F11R: variants seen among roughly 807,000 people sequenced by gnomAD.
F11R encodes F11 receptor, also known as junctional adhesion molecule A.
A neutral mutation model predicts 39.3 loss-of-function variants in F11R; 27 were observed. The ratio of observed to expected loss-of-function variants is 0.69; its 90% CI spans 0.51 to 0.95. F11R has a LOEUF of 0.95. Ranked by LOEUF, F11R falls within the 40% of genes least tolerant of loss-of-function variation. The pLI, the probability that F11R is intolerant of heterozygous loss-of-function variation, is 0.00. For missense variants in F11R, 335 were observed against 372.7 expected, an observed-to-expected ratio of 0.90 and a Z score of 0.83; for synonymous variants, 131 against 144.9, an observed-to-expected ratio of 0.90 and a Z score of 0.69.
At chr1:161,019,498 G>C (rs770924921) in intron 1 of F11R, among the ~76,000 whole-genome samples, 5 of 151,826 alleles carry the variant, frequency 3.3e-5, no homozygotes, top group Non-Finnish European at 5.9e-5. Context: ...GGGAGGCTGA[G>C]GCAGGAGAAT....
At chr1:161,006,149 G>C (rs1047489575) in intron 1 of F11R, among the ~76,000 whole-genome samples, 31 of 150,522 alleles carry the variant, frequency 2.1e-4, no homozygotes, top group Admixed American at 3.3e-4. Context: ...AAAAAAAAAG[G>C]GGGGGGGCAC....
Position 161,001,150 on chromosome 1 carries a change from C to T in F11R, c.134-23G>A, listed in dbSNP as rs752479605. ...CAGCTGCAGACAGGGTCAAAATGAG[C>T]CGAAGGAAGAAGCAGCAGCAAATAC... On this transcript the variant is annotated intron_variant, in intron 2 of 9. Coordinates refer to ENST00000368026, the MANE Select transcript of F11R (RefSeq NM_016946.6). The T allele has an allele frequency of 7.5e-6, 12 of 1,610,392 alleles. No homozygotes were observed. The South Asian group carries it at 1.1e-4, about 15-fold the overall frequency.
chr1:160,998,544 T>C lies in F11R; in HGVS notation c.*327A>G. The C allele has an allele frequency of 2.0e-6, 1 of 509,900 alleles. No homozygotes were observed. Among genetic ancestry groups the C allele is most frequent in the Non-Finnish European group, 3.5e-6 (1 of 285,788 alleles). The allele number at this position is 509,900 out of a possible 1,614,324, so 31.6% of individuals were successfully genotyped here. On this transcript the variant is annotated 3_prime_UTR_variant, in exon 10 of 10. Coordinates refer to ENST00000368026, the MANE Select transcript of F11R (RefSeq NM_016946.6). Reference sequence around the variant, plus strand: ...AGCCAGGTGGGCAGTTGAGTGCAGATTCCTGCGACCCCCGCCATTTTTGCT... The same window carrying C: ...AGCCAGGTGGGCAGTTGAGTGCAGACTCCTGCGACCCCCGCCATTTTTGCT...
At chr1:161,012,762 T>C (rs1465321760) in intron 1 of F11R, among the ~76,000 whole-genome samples, 1 of 151,966 alleles carries the variant, frequency 6.6e-6, no homozygotes, top group Non-Finnish European at 1.5e-5. Flanking sequence ...GTAGCTAGAA[T>C]TATAGGCACC....
At chr1:161,011,769 G>T (rs1466977141) in intron 1 of F11R, among the ~76,000 whole-genome samples, 1 of 151,406 alleles carries the variant, frequency 6.6e-6, no homozygotes, top group African/African-American at 2.4e-5. Flanking sequence ...AAATATAGAC[G>T]TATCTCACAC....
At chr1:161,015,251 C>A (rs1445666433) in intron 1 of F11R, among the ~76,000 whole-genome samples, 1 of 139,864 alleles carries the variant, frequency 7.1e-6, no homozygotes, top group Non-Finnish European at 1.6e-5. Context: ...TACAAAAAAT[C>A]AGCCGGAGTG....
At chr1:161,005,528 T>C (rs148391006) in intron 1 of F11R, among the ~76,000 whole-genome samples, 4,147 of 152,080 alleles carry the variant, frequency 0.027, 180 homozygotes, top group African/African-American at 0.093. Context: ...CGAGCCACCA[T>C]GCCTGGCTAA....
intron 1 of F11R, among the ~76,000 whole-genome samples, chr1:161,003,796 T>TTC (rs1648636545): frequency 6.6e-6 from 1 of 151,590 alleles, no homozygotes; most frequent in East Asian, 1.9e-4. Flanking sequence ...TGGAGTTTTG[T>TTC]TCTAGTTGCC....
chr1:161,020,863 A>G (rs1334690207), intron 1 of F11R, 147 bp downstream of exon 1: 1 of 748,780 alleles, frequency 1.3e-6, no homozygotes, highest in East Asian at 2.7e-5. Context: ...TGAAAGAGGG[A>G]CCAGCCAGGG....
chr1:161,017,750 T>TC (rs1168416706), intron 1 of F11R, among the ~76,000 whole-genome samples: 1 of 151,994 alleles, frequency 6.6e-6, no homozygotes, highest in Non-Finnish European at 1.5e-5. Flanking sequence ...TTTCCAAGTC[T>TC]CGTTCCACCT....
At position 161,016,228 on chromosome 1, in the gene F11R, G is replaced by A. The variant is rs797006783; in HGVS notation, c.64+4782C>T. ...GCGGTGGCTCACGCCTGTAATCCCA[G>A]CACTTTTGGAGGCCGTGGCGGGCAG... is the stretch of plus-strand genomic sequence containing the variant. On this transcript the variant is annotated intron_variant, in intron 1 of 9. Transcript: ENST00000368026. Among the ~76,000 whole-genome samples, 47 of 152,250 alleles carry A rather than the reference G, an allele frequency of 3.1e-4. 1 individual carries two copies. Among genetic ancestry groups the A allele is most frequent in the African/African-American group, 1.1e-3 (46 of 41,558 alleles).
rs1648396621 is a variant in F11R, at chr1:161,000,222, A to G, written c.515T>C (p.Val172Ala). The change falls in exon 5 of 10, where the codon GTG becomes GCG. Residue 172 changes from valine to alanine, a missense_variant. By Grantham distance (64) the Val-to-Ala change is moderately conservative (BLOSUM62 0). Coordinates refer to ENST00000368026, the MANE Select transcript of F11R (RefSeq NM_016946.6). ...SEYTWFKDGI[V>A]MPTNPKSTRA... ...GGTGCTTTTGGGATTCGTAGGCATC[A>G]CTATCCCATCTTTGAACCAGGTGTA... 6.2e-7 allele frequency: 1 copy of G among 1,614,018 alleles called. No homozygotes were observed. Among genetic ancestry groups the G allele is most frequent in the Admixed American group, 1.7e-5 (1 of 59,998 alleles).
rs1338949392 is a variant in F11R, at chr1:160,998,126, C to A, written c.*745G>T. ...TGAACTCCTGACCTCAGGTGATCCG[C>A]CTGCCTCAGCCTCTGGGATTATAGG... On this transcript the variant is annotated 3_prime_UTR_variant, in exon 10 of 10. Transcript: ENST00000368026. 6.6e-6 allele frequency: 1 copy of A among 152,534 alleles called. No individual in the cohort carries two copies. The highest frequency in any genetic ancestry group is 1.5e-5 in the Non-Finnish European group (1 of 68,160). 9.4% of individuals were successfully genotyped at this position (152,534 alleles called of 1,614,324 possible). A position where few individuals can be genotyped will look rare whatever the true frequency, so the allele number is the denominator to read the frequency against.
rs1402475182 is a variant in F11R, at chr1:160,996,241, A to G, written c.*2630T>C. On this transcript the variant is annotated 3_prime_UTR_variant, in exon 10 of 10. Transcript: ENST00000368026. ...TTATAAAAATTAGTTTTGACATTTT[A>G]AAGTGAATGCAGACAAGGTGTTTTC... is the stretch of plus-strand genomic sequence containing the variant. The G allele has an allele frequency of 1.3e-5, 2 of 152,374 alleles. No individual in the cohort carries two copies. Among genetic ancestry groups the G allele is most frequent in the Non-Finnish European group, 2.9e-5 (2 of 68,048 alleles). The allele number at this position is 152,374 out of a possible 1,614,324, so 9.4% of individuals were successfully genotyped here.
Position 160,998,609 on chromosome 1 carries a change from C to T in F11R, c.*262G>A. ...GAAGTCAATGGCATACCCAGGATTC[C>T]TTCCTGATCCCTCAAAGAAATGGGG... On this transcript the variant is annotated 3_prime_UTR_variant, in exon 10 of 10. Coordinates refer to ENST00000368026, the MANE Select transcript of F11R (RefSeq NM_016946.6). The T allele has an allele frequency of 1.7e-6, 1 of 583,752 alleles. No individual in the cohort carries two copies. The highest frequency in any genetic ancestry group is 3.1e-5 in the Admixed American group (1 of 32,532). The allele number at this position is 583,752 out of a possible 1,614,324, so 36.2% of individuals were successfully genotyped here. A position where few individuals can be genotyped will look rare whatever the true frequency, so the allele number is the denominator to read the frequency against.
intron 1 of F11R, among the ~76,000 whole-genome samples, chr1:161,004,580 C>G (rs1419231848): frequency 6.6e-6 from 1 of 151,712 alleles, no homozygotes; most frequent in Non-Finnish European, 1.5e-5. Context: ...CATGGTGACA[C>G]ATGCCTGTAG....
chr1:161,018,546 T>G (rs1477867265), intron 1 of F11R, among the ~76,000 whole-genome samples: 1 of 152,214 alleles, frequency 6.6e-6, no homozygotes, highest in African/African-American at 2.4e-5. Flanking sequence ...AATCCCTTCA[T>G]GTATATGTAA....
At chr1:161,020,949 A>C in intron 1 of F11R, 61 bp downstream of exon 1, 1 of 1,482,740 alleles carries the variant, frequency 6.7e-7, no homozygotes. Flanking sequence ...GGGCGTGGGG[A>C]GAGCCTTCCT....
chr1:161,020,067 GCA>G, intron 1 of F11R, among the ~76,000 whole-genome samples: 3 of 152,176 alleles, frequency 2.0e-5, no homozygotes, highest in African/African-American at 7.2e-5. Flanking sequence ...ACAACGACAC[GCA>G]CACTCAAGAA....
Sources: allele counts gnomAD v4.1 joint callset (sites outside exome capture counted in the v4.1 genomes callset), GRCh38; gene constraint gnomAD v4.1.1; transcripts MANE v1.5; gene names NCBI Gene and HGNC (gene_info 2026-07-23, HGNC 2026-07-21).